Variants in RTN4IP1 observed in about 807,000 individuals in gnomAD.
RTN4IP1 encodes reticulon 4 interacting protein 1.
In RTN4IP1, 32 loss-of-function variants were observed where a neutral mutation model predicts 46.6. The observed-to-expected ratio is 0.69, with a 90% CI of 0.52 to 0.92. The LOEUF is 0.92. Ranked by LOEUF, RTN4IP1 falls within the 40% of genes least tolerant of loss-of-function variation. The pLI is 0.00. For synonymous variants in RTN4IP1, 167 were observed against 161.8 expected, an observed-to-expected ratio of 1.03 and a Z score of -0.24; for missense variants, 424 against 485.8, an observed-to-expected ratio of 0.87 and a Z score of 1.20.
chr6:106,627,743 C>CTTT lies in RTN4IP1; in HGVS notation c.274+1002_274+1004dup, dbSNP rs759953237. On this transcript the variant is annotated intron_variant, in intron 1 of 8. Coordinates refer to ENST00000369063, the MANE Select transcript of RTN4IP1 (RefSeq NM_032730.5). The stretch of plus-strand genomic sequence containing the variant: ...CAATCACAGTAAAGTCATTTCAATG[C>CTTT]TTTTTTTTTTTTTTTTTTTTTTTTT... Among the ~76,000 whole-genome samples, 272 of 52,988 alleles carry CTTT rather than the reference C, an allele frequency of 5.1e-3. 43 individuals are homozygous for CTTT. Among genetic ancestry groups the CTTT allele is most frequent in the Non-Finnish European group, 7.2e-3 (185 of 25,668 alleles). 34.8% of individuals were successfully genotyped at this position (52,988 alleles called of 152,430 possible). A position where few individuals can be genotyped will look rare whatever the true frequency, so the allele number is the denominator to read the frequency against.
At chr6:106,611,182 C>T (rs539024124) in intron 4 of RTN4IP1, among the ~76,000 whole-genome samples, 3 of 152,238 alleles carry the variant, frequency 2.0e-5, no homozygotes, top group South Asian at 4.1e-4. Flanking sequence ...TCTAGAGTCA[C>T]GGGTTCAGGT....
intron 4 of RTN4IP1, among the ~76,000 whole-genome samples, chr6:106,616,687 A>C (rs1477927872): frequency 2.0e-5 from 3 of 152,238 alleles, no homozygotes; most frequent in Non-Finnish European, 2.9e-5. Context: ...GGAACTTCTG[A>C]GTTTAGGTAC....
At chr6:106,614,660 C>T (rs193018541) in intron 4 of RTN4IP1, among the ~76,000 whole-genome samples, 28 of 152,170 alleles carry the variant, frequency 1.8e-4, no homozygotes, top group East Asian at 1.2e-3. Context: ...TGAAACCATA[C>T]GAAAAGTAAG....
rs1195699639 is a variant in RTN4IP1 at position 106,629,403 on chromosome 6, A to C, written c.-382T>G. 2 of 571,144 alleles carry C rather than the reference A, an allele frequency of 3.5e-6. No homozygotes were observed. Among genetic ancestry groups the C allele is most frequent in the Non-Finnish European group, 6.2e-6 (2 of 322,900 alleles). 35.4% of individuals were successfully genotyped at this position (571,144 alleles called of 1,614,324 possible). A position where few individuals can be genotyped will look rare whatever the true frequency, so the allele number is the denominator to read the frequency against. ...GACAAGCAGACACCGCTCGCGATCC[A>C]ACGCCAGAGAATCGAACGCTTGCCG... On this transcript the variant is annotated 5_prime_UTR_variant, in exon 1 of 9. Coordinates refer to ENST00000369063, the MANE Select transcript of RTN4IP1 (RefSeq NM_032730.5).
At chr6:106,572,177 T>C in intron 8 of RTN4IP1, 74 bp from the exon 9 acceptor site, 1 of 1,195,064 alleles carries the variant, frequency 8.4e-7, no homozygotes, top group South Asian at 1.2e-5. Flanking sequence ...TGCTAATTAG[T>C]TTCTTGACGG....
chr6:106,584,107 C>G (rs530354811), intron 7 of RTN4IP1, among the ~76,000 whole-genome samples: 1 of 152,110 alleles, frequency 6.6e-6, no homozygotes, highest in South Asian at 2.1e-4. Context: ...AAATGTTATT[C>G]TTTGTTTATT....
chr6:106,582,817 C>T (rs139182745), intron 8 of RTN4IP1, among the ~76,000 whole-genome samples: 230 of 152,260 alleles, frequency 1.5e-3, no homozygotes, highest in Non-Finnish European at 2.4e-3. Flanking sequence ...ACAGAGTCCA[C>T]GGCAGGACAG....
rs1775984399 is a variant in RTN4IP1 at position 106,603,036 on chromosome 6, TAA to T, written c.621-116_621-115del. 2.5e-5 allele frequency: 18 copies of T among 732,544 alleles called. No homozygotes were observed. In the South Asian group the frequency reaches 4.5e-4, roughly 18 times the overall value. 45.4% of individuals were successfully genotyped at this position (732,544 alleles called of 1,614,324 possible). A position where few individuals can be genotyped will look rare whatever the true frequency, so the allele number is the denominator to read the frequency against. ...GATGATAAATAATTCTAAAAGAAAA[TAA>T]AGTTATTCAGCTTCCCAAGATATAT... is the stretch of plus-strand genomic sequence containing the variant. On this transcript the variant is annotated intron_variant, in intron 4 of 8. Transcript: ENST00000369063.
intron 5 of RTN4IP1, among the ~76,000 whole-genome samples, chr6:106,593,284 T>C (rs908548447): frequency 3.3e-4 from 51 of 152,298 alleles, no homozygotes; most frequent in African/African-American, 1.2e-3. Flanking sequence ...TTTAAAATAA[T>C]AAAGAATAAC....
At chr6:106,593,445 C>G (rs1420893646) in intron 5 of RTN4IP1, among the ~76,000 whole-genome samples, 1 of 152,098 alleles carries the variant, frequency 6.6e-6, no homozygotes, top group Admixed American at 6.5e-5. Flanking sequence ...TTGAGAATAG[C>G]CACTTGAAGA....
chr6:106,600,426 T>C (rs1430668831), intron 5 of RTN4IP1, among the ~76,000 whole-genome samples: 1 of 152,186 alleles, frequency 6.6e-6, no homozygotes, highest in Non-Finnish European at 1.5e-5. Context: ...AATTCATATA[T>C]ATCACCATTT....
At chr6:106,625,133 C>T (rs1200480514) in intron 1 of RTN4IP1, among the ~76,000 whole-genome samples, 1 of 151,534 alleles carries the variant, frequency 6.6e-6, no homozygotes, top group African/African-American at 2.4e-5. Context: ...CTGTTATTCT[C>T]TCTTCTGCTT....
chr6:106,628,059 T>G (rs571196930), intron 1 of RTN4IP1, among the ~76,000 whole-genome samples: 16 of 148,550 alleles, frequency 1.1e-4, no homozygotes, highest in Admixed American at 2.7e-4. Flanking sequence ...AGAGTGAGAC[T>G]CTGTCTCAAA....
chr6:106,584,637 G>A (rs1284702097), intron 7 of RTN4IP1, among the ~76,000 whole-genome samples: 5 of 152,198 alleles, frequency 3.3e-5, no homozygotes, highest in Non-Finnish European at 7.3e-5. Flanking sequence ...CACCTAGCTT[G>A]CAGGATTGTT....
chr6:106,592,588 G>C (rs138109616), intron 5 of RTN4IP1, among the ~76,000 whole-genome samples: 1 of 152,150 alleles, frequency 6.6e-6, no homozygotes, highest in Non-Finnish European at 1.5e-5. Context: ...CACTTAGAGA[G>C]GGACTCAGTG....
chr6:106,617,169 A>C (rs1164939380), intron 4 of RTN4IP1, among the ~76,000 whole-genome samples: 3 of 152,180 alleles, frequency 2.0e-5, no homozygotes, highest in Non-Finnish European at 4.4e-5. Flanking sequence ...GTGAGAAATA[A>C]ATTTCTCTTG....
intron 8 of RTN4IP1, among the ~76,000 whole-genome samples, chr6:106,575,371 G>A (rs1169420772): frequency 6.6e-6 from 1 of 152,178 alleles, no homozygotes; most frequent in African/African-American, 2.4e-5. Flanking sequence ...TACAAAGGCT[G>A]AACCAAGCCA....
chr6:106,603,129 G>A (rs1775985944), intron 4 of RTN4IP1, among the ~76,000 whole-genome samples: 1 of 152,164 alleles, frequency 6.6e-6, no homozygotes, highest in Non-Finnish European at 1.5e-5. Flanking sequence ...GACATTCTAT[G>A]AGCTCTGTAC....
intron 4 of RTN4IP1, among the ~76,000 whole-genome samples, chr6:106,608,910 C>T (rs1776153365): frequency 6.6e-6 from 1 of 152,214 alleles, no homozygotes; most frequent in Non-Finnish European, 1.5e-5. Context: ...AAGTTCCTCA[C>T]AATATATTAC....
Sources: gnomAD v4.1 joint callset for allele counts (sites outside exome capture counted in the v4.1 genomes callset) on GRCh38, gnomAD v4.1.1 for gene constraint, MANE v1.5 for transcripts, NCBI Gene and HGNC (gene_info 2026-07-23, HGNC 2026-07-21) for gene names.